The following MELTF variants were observed in gnomAD, a reference collection of about 807,000 sequenced individuals.
The protein encoded by MELTF is melanotransferrin.
Under a neutral mutation model 83.7 loss-of-function variants are expected in MELTF, and 67 were observed. The observed-to-expected ratio is 0.80, with a 90% confidence interval of 0.66 to 0.98. The LOEUF (loss-of-function observed/expected upper bound fraction) is 0.98, where lower values mean the gene tolerates loss of function less well. Among genes scored for constraint, MELTF ranks in the 50% least tolerant of loss-of-function variants. MELTF has a pLI of 0.00. For missense variants in MELTF, 1,002 were observed against 1,035.6 expected, an observed-to-expected ratio of 0.97 and a Z score of 0.44; for synonymous variants, 462 against 447.6, an observed-to-expected ratio of 1.03 and a Z score of -0.41.
At chr3:197,025,869 G>A (rs1273402115) in intron 3 of MELTF, 1 of 152,434 alleles carries the variant, frequency 6.6e-6, no homozygotes, top group Non-Finnish European at 1.5e-5. Context: ...AGACTGAGCA[G>A]GCAGAGGCTT....
Position 197,006,289 on chromosome 3 carries a change from G to A in MELTF, c.1938+260C>T, listed in dbSNP as rs1718973811. Among the ~76,000 whole-genome samples the A allele has an allele frequency of 6.6e-6, 1 of 151,038 alleles. No individual in the cohort carries two copies. The highest frequency in any genetic ancestry group is 1.5e-5 in the Non-Finnish European group (1 of 68,010). Reference sequence around the variant, plus strand: ...GGATGGATGTGAGACCAAGAGGTTAGTTTGTTCTTTAAGGATGGCAGAAGT... The same window carrying A: ...GGATGGATGTGAGACCAAGAGGTTAATTTGTTCTTTAAGGATGGCAGAAGT... On this transcript the variant is annotated intron_variant, in intron 14 of 15. Transcript: ENST00000296350. This position sits in a 1 kb window ranked among gnomAD's most constrained non-coding sequence, Gnocchi z 5.4.
At chr3:197,015,334 C>A in intron 9 of MELTF, 31 bp downstream of exon 9, 1 of 1,536,912 alleles carries the variant, frequency 6.5e-7, no homozygotes, top group Non-Finnish European at 8.8e-7. Flanking sequence ...ACCCGCCCAC[C>A]TGGCCCACGC....
In MELTF at chr3:197,022,972, T is replaced by C. The variant is rs1015990914; in HGVS notation, c.629A>G (p.Tyr210Cys). The change falls in exon 5 of 16, where the codon TAC becomes TGC. Residue 210 changes from tyrosine (Y) to cysteine (C), a missense_variant. Tyr to Cys is a radical substitution (Grantham distance 194, BLOSUM62 -2). Coordinates refer to ENST00000296350, the MANE Select transcript of MELTF (RefSeq NM_005929.6). The surrounding 1 kb of genome is among the most constrained non-coding windows in gnomAD (Gnocchi z 5.1). ...DKSPLERYYD[Y>C]SGAFRCLAEG... is the part of the protein sequence containing the mutation. ...CTCCGCTCACCGGAAGGCCCCGCTGTAGTCGTAGTATCTCTCCAGGGGGCT... is the reference window on the plus strand; with the variant it reads ...CTCCGCTCACCGGAAGGCCCCGCTGCAGTCGTAGTATCTCTCCAGGGGGCT... 1.2e-6 allele frequency: 2 copies of C among 1,609,924 alleles called. No homozygotes were observed. Among genetic ancestry groups the C allele is most frequent in the African/African-American group, 2.7e-5 (2 of 74,740 alleles).
chr3:197,019,436 C>G, intron 6 of MELTF: 1 of 1,405,356 alleles, frequency 7.1e-7, no homozygotes, highest in Admixed American at 2.7e-5. Context: ...TAGATTGCCT[C>G]AGATTACCAT....
chr3:197,027,629 T>G, intron 2 of MELTF, 127 bp downstream of exon 2: 2 of 1,243,428 alleles, frequency 1.6e-6, no homozygotes, highest in Non-Finnish European at 1.1e-6. Flanking sequence ...CCAGGGAGAC[T>G]CGGGAGATCC....
chr3:197,004,743 C>T (rs1366265037), intron 14 of MELTF: 1 of 154,126 alleles, frequency 6.5e-6, no homozygotes, highest in South Asian at 2.0e-4. Context: ...GGAGAACATG[C>T]ATGAATGTCT....
intron 14 of MELTF, among the ~76,000 whole-genome samples, chr3:197,005,476 G>C (rs1291750470): frequency 6.6e-6 from 1 of 152,222 alleles, no homozygotes; most frequent in African/African-American, 2.4e-5. Context: ...TTGATGACAT[G>C]GGATTGGATG....
intron 2 of MELTF, chr3:197,027,039 C>T (rs1010289641): frequency 1.7e-5 from 7 of 421,540 alleles, no homozygotes; most frequent in East Asian, 4.4e-5. Context: ...GAAAACGGTG[C>T]GCAGTGACAA....
rs1198478432 is a variant in MELTF, at chr3:197,003,811, C to T, written c.2137+90G>A. The T allele has an allele frequency of 3.5e-5, 50 of 1,420,762 alleles. No homozygotes were observed. The Admixed American group carries it at 9.2e-4, about 26-fold the overall frequency. 88.0% of individuals were successfully genotyped at this position (1,420,762 alleles called of 1,614,324 possible). ...GCGAACGGGCCTCCACCCGCCTCCCCGGACCCGCAGCGCCCCCCGCTCCCT... is the reference window on the plus strand; with the variant it reads ...GCGAACGGGCCTCCACCCGCCTCCCTGGACCCGCAGCGCCCCCCGCTCCCT... On this transcript the variant is annotated intron_variant, in intron 15 of 15. Coordinates refer to ENST00000296350, the MANE Select transcript of MELTF (RefSeq NM_005929.6). The surrounding 1 kb of genome is among the most constrained non-coding windows in gnomAD (Gnocchi z 6.2).
intron 6 of MELTF, among the ~76,000 whole-genome samples, chr3:197,017,612 T>C (rs1162510625): frequency 6.6e-6 from 1 of 152,106 alleles, no homozygotes; most frequent in Non-Finnish European, 1.5e-5. Flanking sequence ...GCGTGGTGGC[T>C]CACGCCTGTA....
Position 197,029,751 on chromosome 3 carries a change from G to A in MELTF, c.-49C>T, listed in dbSNP as rs896993327. 1.7e-6 allele frequency: 2 copies of A among 1,189,178 alleles called. No homozygotes were observed. Among genetic ancestry groups the A allele is most frequent in the Admixed American group, 4.2e-5 (1 of 23,624 alleles). The allele number at this position is 1,189,178 out of a possible 1,614,324, so 73.7% of individuals were successfully genotyped here. On this transcript the variant is annotated 5_prime_UTR_variant, in exon 1 of 16. Coordinates refer to ENST00000296350, the MANE Select transcript of MELTF (RefSeq NM_005929.6). This position sits in a 1 kb window ranked among gnomAD's most constrained non-coding sequence, Gnocchi z 6.5. ...CCGGGCTGGGGCTGGGTCCGGGTCC[G>A]AGGAGGTCCGCAGCAGCCGGGCTTC...
rs763081865 is a variant in MELTF, at chr3:197,016,281, G to A, written c.989C>T (p.Ser330Leu). Residue 330 changes from serine to leucine, a missense_variant, in exon 8 of 16, where the codon TCG becomes TTG. By Grantham distance (145) the Ser-to-Leu change is moderately radical (BLOSUM62 -2). Transcript: ENST00000296350. ...QKDLLFKDST[S>L]ELVPIATQTY... ...CTGTGTGGCGATGGGCACAAGCTCC[G>A]AGGTAGAGTCTTTGAAGAGTAGATC... 4.3e-5 allele frequency: 69 copies of A among 1,613,166 alleles called. No homozygotes were observed. In the Middle Eastern group the frequency reaches 8.2e-4, roughly 19 times the overall value.
In MELTF at chr3:197,002,825, AC is replaced by A. The variant is rs1260588235; in HGVS notation, c.*546del. 1 of 151,560 alleles carries A rather than the reference AC, an allele frequency of 6.6e-6. No individual in the cohort carries two copies. Among genetic ancestry groups the A allele is most frequent in the East Asian group, 1.9e-4 (1 of 5,142 alleles). The allele number at this position is 151,560 out of a possible 1,614,324, so 9.4% of individuals were successfully genotyped here. A position where few individuals can be genotyped will look rare whatever the true frequency, so the allele number is the denominator to read the frequency against. On this transcript the variant is annotated 3_prime_UTR_variant, in exon 16 of 16. Coordinates refer to ENST00000296350, the MANE Select transcript of MELTF (RefSeq NM_005929.6). The stretch of plus-strand genomic sequence containing the variant: ...GGCGGTCGGAGGAACTGGAGCCCCC[AC>A]CCCGGACACGGTCCCGCGGGCGAAG...
Position 197,011,195 on chromosome 3 carries a change from C to T in MELTF, c.1234-401G>A, listed in dbSNP as rs1026959498. ...TGGCCAAGGGCCAGCACAGCGTGTG[C>T]TGCAATGCCTGTCTGTTAAATGCGT... On this transcript the variant is annotated intron_variant, in intron 9 of 15. Transcript: ENST00000296350. This position sits in a 1 kb window ranked among gnomAD's most constrained non-coding sequence, Gnocchi z 4.2. Among the ~76,000 whole-genome samples, 11 of 152,236 alleles carry T rather than the reference C, an allele frequency of 7.2e-5. No individual in the cohort carries two copies. Among genetic ancestry groups the T allele is most frequent in the African/African-American group, 2.7e-4 (11 of 41,452 alleles).
At position 197,008,993 on chromosome 3, in the gene MELTF, G is replaced by A. The variant is rs745969232; in HGVS notation, c.1526-28C>T. 8.1e-6 allele frequency: 13 copies of A among 1,612,236 alleles called. No homozygotes were observed. The highest frequency in any genetic ancestry group is 1.0e-5 in the Non-Finnish European group (12 of 1,179,004). The stretch of plus-strand genomic sequence containing the variant: ...GGGGTGGAGGGAAGGGCAATGATGA[G>A]GGGCCAGCAGTGGAAAGTGTGGGAG... On this transcript the variant is annotated intron_variant, in intron 11 of 15. Coordinates refer to ENST00000296350, the MANE Select transcript of MELTF (RefSeq NM_005929.6). The surrounding 1 kb of genome is among the most constrained non-coding windows in gnomAD (Gnocchi z 5.4).
rs1199913793 is a variant in MELTF at position 197,010,765 on chromosome 3, A to C, written c.1263T>G (p.Ser421Arg). The change falls in exon 10 of 16, where the codon AGT becomes AGG. Residue 421 changes from serine (S) to arginine (R), a missense_variant. Ser to Arg is a moderately radical substitution (Grantham distance 110). Coordinates refer to ENST00000296350, the MANE Select transcript of MELTF (RefSeq NM_005929.6). ...QAEQVDAVTL[S>R]GEDIYTAGKT... ...TCCCCGCCGTGTAAATGTCCTCGCC[A>C]CTCAGGGTCACAGCGTCGACCTGCT... The C allele has an allele frequency of 6.2e-7, 1 of 1,613,650 alleles. No homozygotes were observed. The highest frequency in any genetic ancestry group is 2.2e-5 in the East Asian group (1 of 44,882).
chr3:197,010,714 GGC>G lies in MELTF; in HGVS notation c.1312_1313del (p.Ala438ArgfsTer31). 6.2e-7 allele frequency: 1 copy of G among 1,613,246 alleles called. No homozygotes were observed. The highest frequency in any genetic ancestry group is 8.5e-7 in the Non-Finnish European group (1 of 1,179,880). ...TGCACTCACGGGCATAGTGCTCCCC[GGC>G]TGCGGGAACCAGGCCGTACGTCTTC... ...AGKTYGLVPA[A>X]GEHYAPEDSS... On this transcript the variant is annotated frameshift_variant, in exon 10 of 16. Transcript: ENST00000296350. LOFTEE classifies it high-confidence loss of function.
At position 197,003,929 on chromosome 3, in the gene MELTF, C is replaced by T. The variant is rs1444204269; in HGVS notation, c.2109G>A (p.Gly703=). 1 of 1,613,962 alleles carries T rather than the reference C, an allele frequency of 6.2e-7. No homozygotes were observed. Among genetic ancestry groups the T allele is most frequent in the Non-Finnish European group, 8.5e-7 (1 of 1,180,004 alleles). The change falls in exon 15 of 16, where the codon GGG becomes GGA. Residue 703 remains glycine, a synonymous_variant. Transcript: ENST00000296350. The surrounding 1 kb of genome is among the most constrained non-coding windows in gnomAD (Gnocchi z 6.2). ...CGCCCGAGCACTGCTGAGACGACAT[C>T]CCTTCCAGCGCCGCCACGTAGTCCA... ...LGLDYVAALE[G]MSSQQCSGAA...
chr3:197,009,896 T>G, intron 10 of MELTF, 84 bp from the exon 11 acceptor site: 1 of 1,215,742 alleles, frequency 8.2e-7, no homozygotes, highest in East Asian at 2.4e-5. Context: ...TCAAACCCAC[T>G]CCTTCCTGTC....
Sources: allele counts gnomAD v4.1 joint callset (sites outside exome capture counted in the v4.1 genomes callset), GRCh38; gene constraint gnomAD v4.1.1; non-coding constraint Gnocchi (gnomAD v3.1); transcripts MANE v1.5; gene names NCBI Gene and HGNC (gene_info 2026-07-23, HGNC 2026-07-21).